Variants in HIP1 observed in about 807,000 individuals in gnomAD.
HIP1 encodes huntingtin interacting protein 1.
HIP1 carries 65 observed loss-of-function variants against 147.6 expected under a neutral mutation model. The ratio of observed to expected loss-of-function variants is 0.44; its 90% CI spans 0.36 to 0.54. The LOEUF (loss-of-function observed/expected upper bound fraction) is 0.54, where lower values mean the gene tolerates loss of function less well. HIP1 is among the 20% of genes least tolerant of loss of function. HIP1 has a pLI of 0.00. For missense variants in HIP1, 1,061 were observed against 1,299.6 expected (o/e 0.82, Z 2.82); for synonymous variants, 479 against 504.0 (o/e 0.95, Z 0.67).
intron 1 of HIP1, among the ~76,000 whole-genome samples, chr7:75,660,731 C>T (rs545484591): frequency 6.6e-6 from 1 of 152,174 alleles, no homozygotes; most frequent in East Asian, 1.9e-4. Flanking sequence ...CTCTTTCCAT[C>T]GTGCCCTGAG....
rs587653741 is a variant in HIP1 at position 75,611,941 on chromosome 7, A to C, written c.121-12694T>G. On this transcript the variant is annotated intron_variant, in intron 1 of 30. Transcript: ENST00000336926. The stretch of plus-strand genomic sequence containing the variant: ...CTCGCCTGGGACAGCCCAGCCAGGC[A>C]GTGGCCAATGGGAAACCCTCTGGCC... The C allele has an allele frequency of 5.1e-5, 47 of 918,904 alleles. No homozygotes were observed. The South Asian group carries it at 2.3e-3, about 45-fold the overall frequency. 56.9% of individuals were successfully genotyped at this position (918,904 alleles called of 1,614,324 possible).
chr7:75,591,941 G>A, intron 4 of HIP1, 115 bp downstream of exon 4: 4 of 871,998 alleles, frequency 4.6e-6, no homozygotes, highest in Non-Finnish European at 7.8e-6. Context: ...ACCCATGGGA[G>A]AAATCCTCAA....
intron 1 of HIP1, among the ~76,000 whole-genome samples, chr7:75,679,805 A>G (rs1035063083): frequency 2.6e-5 from 4 of 151,990 alleles, no homozygotes; most frequent in Non-Finnish European, 5.9e-5. Context: ...ACTACCACCT[A>G]TACACCAACC....
intron 7 of HIP1, among the ~76,000 whole-genome samples, chr7:75,576,483 A>G (rs1795849961): frequency 6.6e-6 from 1 of 152,138 alleles, no homozygotes; most frequent in South Asian, 2.1e-4. Flanking sequence ...GCACTTTGGG[A>G]GGCTGAGGTG....
At chr7:75,614,055 CA>C (rs1797541429) in intron 1 of HIP1, among the ~76,000 whole-genome samples, 3 of 152,222 alleles carry the variant, frequency 2.0e-5, no homozygotes, top group Admixed American at 2.0e-4. Flanking sequence ...GCTGAGACGA[CA>C]GGTGTATGCC....
intron 22 of HIP1, among the ~76,000 whole-genome samples, chr7:75,549,623 GC>G (rs1320261940): frequency 6.6e-6 from 1 of 151,716 alleles, no homozygotes; most frequent in Non-Finnish European, 1.5e-5. Flanking sequence ...TCCTGCCTCA[GC>G]CTCCCAAAGT....
At chr7:75,697,184 C>T (rs1554518827) in intron 1 of HIP1, among the ~76,000 whole-genome samples, 5 of 152,116 alleles carry the variant, frequency 3.3e-5, no homozygotes, top group African/African-American at 4.8e-5. Flanking sequence ...TCGTCTTTAT[C>T]GTACAGTTAA....
At chr7:75,680,979 T>C (rs782471425) in intron 1 of HIP1, among the ~76,000 whole-genome samples, 1 of 152,116 alleles carries the variant, frequency 6.6e-6, no homozygotes, top group Non-Finnish European at 1.5e-5. Context: ...GGTTTTACCG[T>C]GTTAGCCAGA....
intron 1 of HIP1, among the ~76,000 whole-genome samples, chr7:75,680,348 T>G (rs1166809805): frequency 6.6e-6 from 1 of 151,958 alleles, no homozygotes; most frequent in Middle Eastern, 3.2e-3. Context: ...TGGCCGAAAC[T>G]CCAGCTTTTA....
intron 1 of HIP1, among the ~76,000 whole-genome samples, chr7:75,633,643 G>T (rs975622917): frequency 6.6e-6 from 1 of 152,016 alleles, no homozygotes; most frequent in African/African-American, 2.4e-5. Flanking sequence ...GGATTTTGTG[G>T]CCCAGGGCTG....
intron 1 of HIP1, among the ~76,000 whole-genome samples, chr7:75,717,421 G>C (rs1554520712): frequency 1.3e-5 from 2 of 152,170 alleles, no homozygotes; most frequent in African/African-American, 4.8e-5. Flanking sequence ...AACTCTGTGG[G>C]GACAGGGGAA....
chr7:75,732,440 G>C (rs782756979), intron 1 of HIP1, among the ~76,000 whole-genome samples: 1 of 152,036 alleles, frequency 6.6e-6, no homozygotes, highest in Non-Finnish European at 1.5e-5. Flanking sequence ...GTGTGATCAC[G>C]GCTCACTGCC....
chr7:75,603,528 T>G (rs1797092677), intron 1 of HIP1, among the ~76,000 whole-genome samples: 2 of 152,068 alleles, frequency 1.3e-5, no homozygotes, highest in African/African-American at 4.8e-5. Flanking sequence ...TGACATGCGA[T>G]GCTTCCCCTA....
chr7:75,628,475 CTTTTT>C (rs71098044), intron 1 of HIP1, among the ~76,000 whole-genome samples: 7,987 of 132,360 alleles, frequency 0.06, 146 homozygotes, highest in African/African-American at 0.086. Context: ...TCCTGTACCT[CTTTTT>C]TTTTTTTTTT....
In HIP1 at chr7:75,599,169, C is replaced by T. The variant is rs1554502511; in HGVS notation, c.184+15G>A. 1.2e-6 allele frequency: 2 copies of T among 1,605,054 alleles called. No homozygotes were observed. The highest frequency in any genetic ancestry group is 2.2e-5 in the East Asian group (1 of 44,860). Reference sequence around the variant, plus strand: ...CCCTCAGGGTCGGTCTTCCAAGCAACATCCAAAAGGATATTTCTGGCGTGT... The same window carrying T: ...CCCTCAGGGTCGGTCTTCCAAGCAATATCCAAAAGGATATTTCTGGCGTGT... On this transcript the variant is annotated intron_variant, in intron 2 of 30. Transcript: ENST00000336926.
chr7:75,679,175 C>T (rs1279412793), intron 1 of HIP1, among the ~76,000 whole-genome samples: 4 of 152,124 alleles, frequency 2.6e-5, no homozygotes, highest in Non-Finnish European at 5.9e-5. Context: ...TCACAGATTC[C>T]ACTTTTGCTA....
chr7:75,548,939 C>T lies in HIP1; in HGVS notation c.2358G>A (p.Glu786=), dbSNP rs1554491558. The T allele has an allele frequency of 1.2e-6, 2 of 1,614,142 alleles. No individual in the cohort carries two copies. The highest frequency in any genetic ancestry group is 1.7e-6 in the Non-Finnish European group (2 of 1,180,000). The change falls in exon 23 of 31, where the codon GAG becomes GAA. Residue 786 remains glutamate, a synonymous_variant. Coordinates refer to ENST00000336926, the MANE Select transcript of HIP1 (RefSeq NM_005338.7). Reference sequence around the variant, plus strand: ...CAATAGCAGCTGAAGTGGCCGCCATCTCCTTGTCCACCAGGTCCCCCAGCT... The same window carrying T: ...CAATAGCAGCTGAAGTGGCCGCCATTTCCTTGTCCACCAGGTCCCCCAGCT... ...QEELGDLVDK[E]MAATSAAIET... is the part of the protein sequence containing the mutation.
intron 1 of HIP1, among the ~76,000 whole-genome samples, chr7:75,670,508 T>C (rs898537089): frequency 6.6e-6 from 1 of 152,058 alleles, no homozygotes; most frequent in Non-Finnish European, 1.5e-5. Flanking sequence ...ACTAAATATA[T>C]CCATAATTTG....
Position 75,581,228 on chromosome 7 carries a change from G to T in HIP1, c.604+9C>A. 1 of 1,604,050 alleles carries T rather than the reference G, an allele frequency of 6.2e-7. No individual in the cohort carries two copies. Among genetic ancestry groups the T allele is most frequent in the African/African-American group, 1.3e-5 (1 of 74,882 alleles). ...AGAGCCTGGGTTAGACGGGAGGGAA[G>T]AGACTCACCTGTTTGGAAGAGGTTG... On this transcript the variant is annotated intron_variant, in intron 7 of 30. Coordinates refer to ENST00000336926, the MANE Select transcript of HIP1 (RefSeq NM_005338.7).
Sources: allele counts gnomAD v4.1 joint callset (sites outside exome capture counted in the v4.1 genomes callset), GRCh38; gene constraint gnomAD v4.1.1; transcripts MANE v1.5; gene names NCBI Gene and HGNC (gene_info 2026-07-23, HGNC 2026-07-21).